GALNT13: variants seen among roughly 807,000 people sequenced by gnomAD.
GALNT13 encodes the protein polypeptide N-acetylgalactosaminyltransferase 13, also known as UDP-GalNAc:polypeptide N-acetylgalactosaminyltransferase 13.
GALNT13 carries 28 observed loss-of-function variants against 64.2 expected under a neutral mutation model. That is an observed-to-expected ratio of 0.44 (90% CI 0.32 to 0.60). The LOEUF is 0.60. GALNT13 is among the 20% of genes least tolerant of loss of function. GALNT13 has a pLI of 0.05. For missense variants in GALNT13, 577 were observed against 669.8 expected (o/e 0.86, Z 1.53); for synonymous variants, 214 against 224.6 (o/e 0.95, Z 0.42).
intron 3 of GALNT13, among the ~76,000 whole-genome samples, chr2:154,052,384 T>TTATC (rs1297721792): frequency 3.9e-5 from 6 of 152,202 alleles, no homozygotes; most frequent in Non-Finnish European, 8.8e-5. Flanking sequence ...AATGACCCCA[T>TTATC]TATCTCCATG....
chr2:153,552,575 C>CTTTT, the GALNT13 span, among the ~76,000 whole-genome samples: 722 of 69,082 alleles, frequency 0.01, 1 homozygote, highest in African/African-American at 0.016. Flanking sequence ...GCTTCTTCTT[C>CTTTT]TTTTTTTTTT....
chr2:153,116,155 C>T, the GALNT13 span, among the ~76,000 whole-genome samples: 1 of 151,948 alleles, frequency 6.6e-6, no homozygotes, highest in Non-Finnish European at 1.5e-5. Flanking sequence ...TTCTTGATAT[C>T]CTTAATTATT....
At position 153,944,502 on chromosome 2, in the gene GALNT13, G is replaced by A. The variant is rs1203376937; in HGVS notation, c.5G>A (p.Arg2Lys). 2 of 1,611,552 alleles carry A rather than the reference G, an allele frequency of 1.2e-6. No homozygotes were observed. Among genetic ancestry groups the A allele is most frequent in the East Asian group, 4.5e-5 (2 of 44,812 alleles). Residue 2 changes from arginine to lysine, a missense_variant, in exon 3 of 13, where the codon AGG becomes AAG. This residue lies in a region of GALNT13 where 341 missense variants were observed against 379.3 expected (regional missense o/e 0.90). Coordinates refer to ENST00000392825, the MANE Select transcript of GALNT13 (RefSeq NM_052917.4). ...AACTAGAAATCAAGGAAAGACATGAGGAGATTTGTCTACTGCAAGGTGGTT... is the reference window on the plus strand; with the variant it reads ...AACTAGAAATCAAGGAAAGACATGAAGAGATTTGTCTACTGCAAGGTGGTT... MRRFVYCKVVLA... is the reference protein window; with the variant it reads MKRFVYCKVVLA...
chr2:154,187,461 G>A (rs1000924484), intron 4 of GALNT13, among the ~76,000 whole-genome samples: 11 of 151,582 alleles, frequency 7.3e-5, no homozygotes, highest in Admixed American at 6.6e-5. Context: ...ACTCTGAGGG[G>A]TATCAGCCAT....
intron 3 of GALNT13, among the ~76,000 whole-genome samples, chr2:153,953,429 G>A (rs758284897): frequency 4.5e-4 from 68 of 152,212 alleles, no homozygotes; most frequent in South Asian, 8.3e-4. Context: ...AATCTGTAAA[G>A]TTGGCATTAT....
intron 1 of GALNT13, among the ~76,000 whole-genome samples, chr2:153,898,536 G>C (rs965696944): frequency 4.0e-5 from 6 of 151,886 alleles, no homozygotes; most frequent in African/African-American, 1.5e-4. Flanking sequence ...TATCAATCCA[G>C]GAAATAGCTC....
chr2:153,164,218 T>A, the GALNT13 span, among the ~76,000 whole-genome samples: 1 of 152,162 alleles, frequency 6.6e-6, no homozygotes, highest in Non-Finnish European at 1.5e-5. Flanking sequence ...TAAAATACAT[T>A]TCTACTCCAT....
At chr2:153,325,290 T>A in the GALNT13 span, among the ~76,000 whole-genome samples, 1 of 152,078 alleles carries the variant, frequency 6.6e-6, no homozygotes, top group Non-Finnish European at 1.5e-5. Context: ...TGCACTGAGA[T>A]GTTTATAATA....
At chr2:154,055,595 G>T (rs1285063077) in intron 3 of GALNT13, among the ~76,000 whole-genome samples, 2 of 151,956 alleles carry the variant, frequency 1.3e-5, no homozygotes, top group Non-Finnish European at 2.9e-5. Context: ...ATAATTTTAG[G>T]GGAGAAAGCC....
intron 4 of GALNT13, among the ~76,000 whole-genome samples, chr2:154,224,988 A>G (rs1199544337): frequency 1.3e-5 from 2 of 152,086 alleles, no homozygotes; most frequent in South Asian, 2.1e-4. Context: ...TAATATCACT[A>G]TAAAGATCTC....
chr2:153,407,793 T>A, the GALNT13 span, among the ~76,000 whole-genome samples: 2 of 152,204 alleles, frequency 1.3e-5, no homozygotes, highest in African/African-American at 4.8e-5. Context: ...TAAAGATGTG[T>A]CTTTCTGGAC....
the GALNT13 span, among the ~76,000 whole-genome samples, chr2:153,848,173 T>C: frequency 6.6e-6 from 1 of 152,180 alleles, no homozygotes; most frequent in South Asian, 2.1e-4. Context: ...TTTGGGGGAA[T>C]CCGTGTGCCA....
rs1574144323 is a variant in GALNT13 at position 154,354,268 on chromosome 2, G to T, written c.1157-41723G>T. On this transcript the variant is annotated intron_variant, in intron 9 of 12. Transcript: ENST00000392825. ...TGGGTTGTTTTTCTGCTATTGAGTTGTGAGGGTTTTAAATTTTGAATATCA... is the reference window on the plus strand; with the variant it reads ...TGGGTTGTTTTTCTGCTATTGAGTTTTGAGGGTTTTAAATTTTGAATATCA... 2.0e-5 allele frequency among the ~76,000 whole-genome samples: 3 copies of T among 152,186 alleles called. No individual in the cohort carries two copies. The South Asian group carries it at 6.2e-4, about 32-fold the overall frequency.
chr2:153,780,543 C>A, the GALNT13 span, among the ~76,000 whole-genome samples: 1 of 152,120 alleles, frequency 6.6e-6, no homozygotes, highest in East Asian at 1.9e-4. Context: ...CTTTTACCAG[C>A]ACACTCATAT....
At chr2:153,462,094 T>C in the GALNT13 span, among the ~76,000 whole-genome samples, 16 of 152,062 alleles carry the variant, frequency 1.1e-4, no homozygotes, top group Non-Finnish European at 1.3e-4. Context: ...ATGGAATAGA[T>C]AGAGATTTTC....
At chr2:153,720,321 C>T in the GALNT13 span, among the ~76,000 whole-genome samples, 3 of 147,140 alleles carry the variant, frequency 2.0e-5, no homozygotes, top group African/African-American at 5.1e-5. Context: ...ACATCACCAT[C>T]ATCAAAGACC....
intron 9 of GALNT13, among the ~76,000 whole-genome samples, chr2:154,307,535 G>C (rs532728419): frequency 7.9e-5 from 12 of 152,196 alleles, no homozygotes; most frequent in African/African-American, 2.9e-4. Context: ...AAAGTTGGTA[G>C]AGTCTATTTA....
At chr2:153,772,107 G>A in the GALNT13 span, among the ~76,000 whole-genome samples, 1 of 152,180 alleles carries the variant, frequency 6.6e-6, no homozygotes, top group Admixed American at 6.5e-5. Flanking sequence ...CCACTGAGGT[G>A]CTCTCCACAC....
chr2:153,792,922 A>C, the GALNT13 span, among the ~76,000 whole-genome samples: 1 of 149,656 alleles, frequency 6.7e-6, no homozygotes, highest in African/African-American at 2.5e-5. Flanking sequence ...CTCTCCATTT[A>C]TTTAATTCAA....
Sources: allele counts gnomAD v4.1 joint callset (sites outside exome capture counted in the v4.1 genomes callset), GRCh38; gene constraint gnomAD v4.1.1; regional missense constraint gnomAD v4.1.1; transcripts MANE v1.5; gene names NCBI Gene and HGNC (gene_info 2026-07-23, HGNC 2026-07-21).